TULP4: variants seen among roughly 807,000 people sequenced by gnomAD.
The protein encoded by TULP4 is TUB like protein 4, also known as tubby-related protein 4.
Under a neutral mutation model 129.0 loss-of-function variants are expected in TULP4, and 16 were observed. The ratio of observed to expected loss-of-function variants is 0.12; its 90% CI spans 0.08 to 0.19. The LOEUF (loss-of-function observed/expected upper bound fraction) is 0.19, where lower values mean the gene tolerates loss of function less well. TULP4 is among the 10% of genes least tolerant of loss of function. TULP4 has a pLI of 1.00. For missense variants in TULP4, 1,842 were observed against 2,059.1 expected (o/e 0.89, Z 2.04); for synonymous variants, 998 against 854.0 (o/e 1.17, Z -2.94).
At chr6:158,295,047 G>C (rs899639180) in intron 1 of TULP4, among the ~76,000 whole-genome samples, 1 of 152,120 alleles carries the variant, frequency 6.6e-6, no homozygotes, top group Non-Finnish European at 1.5e-5. Context: ...AAGCAAACCT[G>C]TAGTCAAAAG....
chr6:158,474,552 C>G (rs1025126987), intron 6 of TULP4, among the ~76,000 whole-genome samples: 1 of 152,208 alleles, frequency 6.6e-6, no homozygotes, highest in South Asian at 2.1e-4. Flanking sequence ...TCCAGGGCAG[C>G]CTCCCTGCTC....
chr6:158,463,110 C>T (rs538476189), intron 6 of TULP4, among the ~76,000 whole-genome samples: 22 of 152,232 alleles, frequency 1.4e-4, no homozygotes, highest in Admixed American at 3.9e-4. Flanking sequence ...TCGAAATTAT[C>T]CTTACGCCAA....
chr6:158,505,919 T>C (rs970956798), intron 13 of TULP4, among the ~76,000 whole-genome samples: 9 of 152,042 alleles, frequency 5.9e-5, no homozygotes, highest in Admixed American at 2.6e-4. Flanking sequence ...TACATGAGCA[T>C]TACGTGCATA....
intron 1 of TULP4, among the ~76,000 whole-genome samples, chr6:158,296,478 G>T (rs1779034722): frequency 6.6e-6 from 1 of 151,760 alleles, no homozygotes; most frequent in African/African-American, 2.4e-5. Flanking sequence ...AAGGGAAGGG[G>T]GTGTAAGAAC....
chr6:158,498,995 C>A (rs534544409), intron 12 of TULP4, among the ~76,000 whole-genome samples, 183 bp downstream of exon 12: 1 of 152,276 alleles, frequency 6.6e-6, no homozygotes, highest in African/African-American at 2.4e-5. Context: ...AGGTTGGCAC[C>A]AGTGTTGGCA....
chr6:158,456,840 A>C (rs1352380502), intron 5 of TULP4, among the ~76,000 whole-genome samples: 1 of 152,072 alleles, frequency 6.6e-6, no homozygotes, highest in Non-Finnish European at 1.5e-5. Flanking sequence ...TCTCAAAAAA[A>C]AAAAAAAAAA....
intron 2 of TULP4, among the ~76,000 whole-genome samples, chr6:158,428,763 G>C (rs1583865691): frequency 6.6e-6 from 1 of 152,188 alleles, no homozygotes; most frequent in Non-Finnish European, 1.5e-5. Flanking sequence ...GTGAGAGGCA[G>C]TGTAACAGTG....
intron 1 of TULP4, among the ~76,000 whole-genome samples, chr6:158,394,778 C>T: frequency 1.5e-5 from 1 of 66,166 alleles, no homozygotes; most frequent in Admixed American, 2.1e-4. Flanking sequence ...CTGAGCAAGG[C>T]TCTGTCTCAA....
At chr6:158,249,057 T>C (rs1407002937) in intron 1 of TULP4, among the ~76,000 whole-genome samples, 3 of 135,674 alleles carry the variant, frequency 2.2e-5, no homozygotes, top group African/African-American at 5.5e-5. Flanking sequence ...CCCAGGGAGG[T>C]CAAGGCTGGG....
chr6:158,356,062 C>T (rs1032239582), intron 1 of TULP4, among the ~76,000 whole-genome samples: 8 of 152,230 alleles, frequency 5.3e-5, no homozygotes, highest in Non-Finnish European at 8.8e-5. Context: ...TGTCAAAATT[C>T]GTTGAAAGGT....
At chr6:158,409,529 G>A (rs562578404) in intron 1 of TULP4, among the ~76,000 whole-genome samples, 15 of 152,068 alleles carry the variant, frequency 9.9e-5, no homozygotes, top group Non-Finnish European at 2.2e-4. Flanking sequence ...CACAAAATTC[G>A]GGCAACTGAG....
At chr6:158,462,970 T>C (rs34938282) in intron 6 of TULP4, among the ~76,000 whole-genome samples, 27,171 of 151,518 alleles carry the variant, frequency 0.18, 2,849 homozygotes, top group Middle Eastern at 0.25. Context: ...GCCAGGCTGG[T>C]ATTGAACTCC....
chr6:158,358,155 G>C (rs186767912), intron 1 of TULP4, among the ~76,000 whole-genome samples: 1 of 152,324 alleles, frequency 6.6e-6, no homozygotes, highest in Admixed American at 6.5e-5. Context: ...CTCAAGATCG[G>C]TTTCTCAGAA....
At chr6:158,354,056 TGA>T (rs1780585965) in intron 1 of TULP4, among the ~76,000 whole-genome samples, 1 of 152,222 alleles carries the variant, frequency 6.6e-6, no homozygotes, top group Non-Finnish European at 1.5e-5. Context: ...TGTCCTCACC[TGA>T]AGGCCCATCA....
chr6:158,479,572 A>G (rs1228382019), intron 6 of TULP4, among the ~76,000 whole-genome samples, 179 bp from the exon 7 acceptor site: 2 of 152,062 alleles, frequency 1.3e-5, no homozygotes, highest in Non-Finnish European at 2.9e-5. Context: ...CCTCTAGCCA[A>G]TTTTCAATAA....
intron 1 of TULP4, among the ~76,000 whole-genome samples, chr6:158,394,971 AAG>A (rs1297090045): frequency 6.6e-6 from 1 of 151,980 alleles, no homozygotes; most frequent in African/African-American, 2.4e-5. Context: ...ATGGTGGTAG[AAG>A]AGAGAGACCC....
chr6:158,266,335 C>T (rs1046050601), intron 1 of TULP4, among the ~76,000 whole-genome samples: 4 of 152,230 alleles, frequency 2.6e-5, no homozygotes, highest in Non-Finnish European at 4.4e-5. Context: ...CGACTCACTG[C>T]AGCCTTGACG....
chr6:158,259,311 C>T (rs1357460726), intron 1 of TULP4, among the ~76,000 whole-genome samples: 7 of 152,174 alleles, frequency 4.6e-5, no homozygotes, highest in Admixed American at 6.5e-5. Flanking sequence ...CCCTTGCTGT[C>T]ATTGTATCTC....
chr6:158,279,086 T>C (rs1336834794), upstream of TULP4, among the ~76,000 whole-genome samples: 3 of 149,864 alleles, frequency 2.0e-5, no homozygotes, highest in Non-Finnish European at 4.5e-5. Context: ...ACTAGGCGCC[T>C]GCCACTATGC....
Sources: allele counts gnomAD v4.1 joint callset (sites outside exome capture counted in the v4.1 genomes callset), GRCh38; gene constraint gnomAD v4.1.1; transcripts MANE v1.5; gene names NCBI Gene and HGNC (gene_info 2026-07-23, HGNC 2026-07-21).